Variants in CHD6 observed in about 807,000 individuals in gnomAD.
The protein encoded by CHD6 is ATP-dependent chromatin remodeler CHD6.
A neutral mutation model predicts 276.9 loss-of-function variants in CHD6; 50 were observed. The observed-to-expected ratio is 0.18, with a 90% CI of 0.14 to 0.23. The LOEUF (loss-of-function observed/expected upper bound fraction) is 0.23. CHD6 is among the 10% of genes least tolerant of loss of function. The pLI is 1.00. For missense variants in CHD6, 2,564 were observed against 3,365.8 expected (o/e 0.76, Z 5.89); for synonymous variants, 1,173 against 1,229.3 (o/e 0.95, Z 0.96).
intron 1 of CHD6, among the ~76,000 whole-genome samples, chr20:41,560,961 A>T (rs1305529244): frequency 6.6e-6 from 1 of 152,148 alleles, no homozygotes. Context: ...CATGGTTATT[A>T]CTGCTATTAG....
intron 5 of CHD6, among the ~76,000 whole-genome samples, chr20:41,510,094 T>C (rs1033908068): frequency 1.4e-4 from 21 of 152,296 alleles, no homozygotes; most frequent in African/African-American, 5.1e-4. Context: ...TTCTCTGCCC[T>C]GAGCTAAAGC....
At chr20:41,462,376 AAT>A (rs1600919897) in intron 17 of CHD6, among the ~76,000 whole-genome samples, 1 of 152,180 alleles carries the variant, frequency 6.6e-6, no homozygotes, top group African/African-American at 2.4e-5. Context: ...ATTACCAAAA[AAT>A]TTCAAGATTT....
chr20:41,600,093 C>A (rs575510681), intron 1 of CHD6, among the ~76,000 whole-genome samples: 2 of 152,332 alleles, frequency 1.3e-5, no homozygotes, highest in South Asian at 4.1e-4. Context: ...TGGCACCGAG[C>A]ACTTGTCTGT....
chr20:41,539,005 G>T (rs909207334), intron 2 of CHD6, among the ~76,000 whole-genome samples: 1 of 152,108 alleles, frequency 6.6e-6, no homozygotes, highest in Non-Finnish European at 1.5e-5. Flanking sequence ...TACCCTGCAT[G>T]GACTGCCCAG....
chr20:41,482,428 G>T, intron 16 of CHD6: 1 of 358,610 alleles, frequency 2.8e-6, no homozygotes, highest in Non-Finnish European at 5.6e-6. Flanking sequence ...AGTTTAATTT[G>T]TCATTTCTTT....
intron 17 of CHD6, among the ~76,000 whole-genome samples, chr20:41,465,796 T>C (rs967879047): frequency 6.6e-6 from 1 of 152,198 alleles, no homozygotes; most frequent in Non-Finnish European, 1.5e-5. Context: ...GTTTTAATAA[T>C]GAAGTAAAAT....
chr20:41,477,759 C>T (rs529102352), intron 16 of CHD6, among the ~76,000 whole-genome samples: 9 of 152,264 alleles, frequency 5.9e-5, no homozygotes, highest in African/African-American at 1.9e-4. Flanking sequence ...GTGCAGAACA[C>T]GTGACGGGAT....
chr20:41,498,799 ATGTATGTATGTATGTGTGTG>A (rs1448305623), intron 6 of CHD6, among the ~76,000 whole-genome samples: 109 of 94,808 alleles, frequency 1.1e-3, no homozygotes, highest in African/African-American at 4.9e-3. Context: ...GTATGTATGT[ATGTATGTATGTATGTGTGTG>A]TGTGTGTGTG....
intron 16 of CHD6, among the ~76,000 whole-genome samples, chr20:41,481,675 T>G (rs2043298477): frequency 6.6e-6 from 1 of 152,102 alleles, no homozygotes; most frequent in Non-Finnish European, 1.5e-5. Flanking sequence ...TTTAAAAATG[T>G]GCACTGACAT....
intron 1 of CHD6, chr20:41,564,161 A>G (rs1383023511): frequency 4.1e-6 from 3 of 730,060 alleles, no homozygotes; most frequent in Non-Finnish European, 7.6e-6. Flanking sequence ...GCTAAAAACA[A>G]AAAGTTACTC....
At chr20:41,534,262 C>G (rs1272720123) in intron 2 of CHD6, among the ~76,000 whole-genome samples, 1 of 152,178 alleles carries the variant, frequency 6.6e-6, no homozygotes, top group African/African-American at 2.4e-5. Context: ...AGCAGGCTTT[C>G]TAAGAAGACA....
chr20:41,447,028 G>A (rs1204835371), intron 24 of CHD6, among the ~76,000 whole-genome samples: 1 of 152,134 alleles, frequency 6.6e-6, no homozygotes. Flanking sequence ...ATCCCTGCTG[G>A]AAATTACAAT....
At chr20:41,467,207 A>G (rs543789704) in intron 17 of CHD6, among the ~76,000 whole-genome samples, 3 of 152,334 alleles carry the variant, frequency 2.0e-5, no homozygotes, top group Non-Finnish European at 4.4e-5. Context: ...GAAGGACAAC[A>G]GGATAAGTCC....
intron 1 of CHD6, among the ~76,000 whole-genome samples, chr20:41,578,870 A>G (rs1465810148): frequency 6.6e-6 from 1 of 151,028 alleles, no homozygotes; most frequent in African/African-American, 2.4e-5. Flanking sequence ...TTAGAAAGAA[A>G]AAAAAAAAAT....
chr20:41,533,500 G>A lies in CHD6; in HGVS notation c.104C>T (p.Pro35Leu). Residue 35 changes from proline to leucine, a missense_variant, in exon 3 of 37, where the codon CCA (proline) becomes CTA (leucine). Pro to Leu is a moderately conservative substitution (Grantham distance 98). Around this residue, in one of 7 missense-constraint regions of CHD6, gnomAD observed 286 missense variants for 297.8 expected, o/e 0.96. Transcript: ENST00000373233. ...DASVNFDYKS[P>L]SPFDCSTDQE... is the part of the protein sequence containing the mutation. Reference sequence around the variant, plus strand: ...ATCAGTGCTGCAGTCAAATGGGGATGGAGATTTGTAGTCAAAATTGACAGA... The same window carrying A: ...ATCAGTGCTGCAGTCAAATGGGGATAGAGATTTGTAGTCAAAATTGACAGA... 1 of 1,613,790 alleles carries A rather than the reference G, an allele frequency of 6.2e-7. No individual in the cohort carries two copies. The highest frequency in any genetic ancestry group is 1.1e-5 in the South Asian group (1 of 91,010).
At chr20:41,543,497 A>G (rs1231015368) in intron 2 of CHD6, among the ~76,000 whole-genome samples, 1 of 152,210 alleles carries the variant, frequency 6.6e-6, no homozygotes, top group African/African-American at 2.4e-5. Context: ...CTTTCAATTC[A>G]CTAACTTTTC....
At chr20:41,601,734 T>A (rs1382982482) in intron 1 of CHD6, among the ~76,000 whole-genome samples, 1 of 152,192 alleles carries the variant, frequency 6.6e-6, no homozygotes, top group East Asian at 1.9e-4. Context: ...ATTGGTAAAA[T>A]GAAGGTAATA....
At chr20:41,484,201 C>T in intron 15 of CHD6, 151 bp downstream of exon 15, 2 of 1,035,864 alleles carry the variant, frequency 1.9e-6, no homozygotes, top group Non-Finnish European at 2.8e-6. Context: ...TCATCAAGCT[C>T]TCTGAATCTC....
intron 1 of CHD6, among the ~76,000 whole-genome samples, chr20:41,608,053 G>A (rs1221196636): frequency 1.3e-5 from 2 of 152,128 alleles, no homozygotes; most frequent in African/African-American, 4.8e-5. Flanking sequence ...CACCATACCT[G>A]GCACATAGTA....
Sources: gnomAD v4.1 joint callset for allele counts (sites outside exome capture counted in the v4.1 genomes callset) on GRCh38, gnomAD v4.1.1 for gene constraint, gnomAD v4.1.1 regional missense constraint, MANE v1.5 for transcripts, NCBI Gene and HGNC (gene_info 2026-07-23, HGNC 2026-07-21) for gene names.